ADGRL2: variants seen among roughly 807,000 people sequenced by gnomAD.
ADGRL2 encodes calcium-independent alpha-latrotoxin receptor 2.
ADGRL2 carries 44 observed loss-of-function variants against 157.4 expected under a neutral mutation model. The observed-to-expected ratio is 0.28, with a 90% CI of 0.22 to 0.36. The LOEUF (loss-of-function observed/expected upper bound fraction) is 0.36, where lower values mean the gene tolerates loss of function less well. Among genes scored for constraint, ADGRL2 ranks in the 10% least tolerant of loss-of-function variants. ADGRL2 has a pLI of 1.00. For synonymous variants in ADGRL2, 585 were observed against 624.7 expected, an observed-to-expected ratio of 0.94 and a Z score of 0.95; for missense variants, 1,510 against 1,768.9, an observed-to-expected ratio of 0.85 and a Z score of 2.63.
At chr1:81,540,258 T>C (rs957789287) in intron 2 of ADGRL2, among the ~76,000 whole-genome samples, 1 of 152,188 alleles carries the variant, frequency 6.6e-6, no homozygotes, top group Non-Finnish European at 1.5e-5. Flanking sequence ...TTTTCAGAAC[T>C]CATTCCAATT....
chr1:81,535,044 T>C (rs1208209033), intron 2 of ADGRL2, among the ~76,000 whole-genome samples: 3 of 152,214 alleles, frequency 2.0e-5, no homozygotes, highest in South Asian at 2.1e-4. Flanking sequence ...CTAAGCTTTT[T>C]GGCATCTCTG....
At chr1:81,742,910 C>CATCACTT (rs1262443800) in intron 1 of ADGRL2, among the ~76,000 whole-genome samples, 3 of 151,978 alleles carry the variant, frequency 2.0e-5, no homozygotes, top group Non-Finnish European at 4.4e-5. Context: ...ATAGAATAGT[C>CATCACTT]ATCACTTAAA....
intron 3 of ADGRL2, among the ~76,000 whole-genome samples, chr1:81,585,547 G>C (rs2081008949): frequency 6.6e-6 from 1 of 152,066 alleles, no homozygotes; most frequent in Non-Finnish European, 1.5e-5. Context: ...TGCATTGCAG[G>C]CAAAGGGGTT....
chr1:81,424,492 G>C (rs2077177342), intron 1 of ADGRL2, among the ~76,000 whole-genome samples: 1 of 152,194 alleles, frequency 6.6e-6, no homozygotes. Flanking sequence ...GAAGGTTTTT[G>C]TCTTGCGTGA....
chr1:81,458,263 A>G (rs1364174837), intron 2 of ADGRL2, among the ~76,000 whole-genome samples: 4 of 152,144 alleles, frequency 2.6e-5, no homozygotes, highest in Non-Finnish European at 4.4e-5. Flanking sequence ...CTACCCTCTT[A>G]ACAGATTTTC....
At chr1:81,534,928 T>C (rs991277963) in intron 2 of ADGRL2, among the ~76,000 whole-genome samples, 2 of 152,186 alleles carry the variant, frequency 1.3e-5, no homozygotes, top group Non-Finnish European at 2.9e-5. Flanking sequence ...AGGTGAATAT[T>C]GTGATTTTTA....
At position 81,693,692 on chromosome 1, in the gene ADGRL2, G is replaced by A. The variant is rs140626571; in HGVS notation, c.-142-68119G>A. Among the ~76,000 whole-genome samples the A allele has an allele frequency of 1.7e-3, 259 of 152,190 alleles. 1 individual carries two copies. The highest frequency in any genetic ancestry group is 0.017 in the Middle Eastern group (5 of 294). On this transcript the variant is annotated intron_variant, in intron 3 of 24. Coordinates refer to the ADGRL2 transcript ENST00000370721. The stretch of plus-strand genomic sequence containing the variant: ...TATTTGTCAAAAATGTTCCTTGCTT[G>A]GAACATGAGTTTCTTTACCACTTTG...
At chr1:81,802,564 A>G (rs1261037072) in intron 1 of ADGRL2, among the ~76,000 whole-genome samples, 1 of 152,100 alleles carries the variant, frequency 6.6e-6, no homozygotes, top group Non-Finnish European at 1.5e-5. Context: ...TCCCGTAGCC[A>G]TGCATTTTTT....
At position 81,819,295 on chromosome 1, in the gene ADGRL2, A is replaced by G. The variant is rs1167233870; in HGVS notation, c.-100-17590A>G. On this transcript the variant is annotated intron_variant, in intron 1 of 23. Coordinates refer to ENST00000686636, the MANE Select transcript of ADGRL2 (RefSeq NM_001366006.2). ...CGAGGTAAAGGAGGAGCAAAGAATC[A>G]AAGCCCAGAACCAAGGTTCCAGCCA... is the stretch of plus-strand genomic sequence containing the variant. 2.0e-5 allele frequency among the ~76,000 whole-genome samples: 3 copies of G among 152,090 alleles called. No individual in the cohort carries two copies. In the South Asian group the frequency reaches 6.2e-4, roughly 32 times the overall value.
At chr1:81,735,404 T>A (rs2084861727) in intron 1 of ADGRL2, 1 of 151,320 alleles carries the variant, frequency 6.6e-6, no homozygotes, top group Non-Finnish European at 1.5e-5. Context: ...TAAACACACC[T>A]ACCACATACC....
chr1:81,902,791 C>T (rs1189260790), intron 2 of ADGRL2, among the ~76,000 whole-genome samples: 1 of 152,134 alleles, frequency 6.6e-6, no homozygotes, highest in Non-Finnish European at 1.5e-5. Flanking sequence ...TTTCTCTTTT[C>T]CACTAAGTCA....
intron 3 of ADGRL2, among the ~76,000 whole-genome samples, chr1:81,622,048 T>G (rs887008080): frequency 6.6e-6 from 1 of 152,202 alleles, no homozygotes; most frequent in Non-Finnish European, 1.5e-5. Flanking sequence ...AGCAAATGCA[T>G]CTTAAAAAGT....
chr1:81,779,468 A>G (rs1286432210), intron 2 of ADGRL2, among the ~76,000 whole-genome samples: 1 of 152,078 alleles, frequency 6.6e-6, no homozygotes, highest in African/African-American at 2.4e-5. Flanking sequence ...CGCCCTCCTC[A>G]TTTCATACTA....
chr1:81,308,131 A>G (rs536151947), intron 1 of ADGRL2, among the ~76,000 whole-genome samples: 16 of 152,252 alleles, frequency 1.1e-4, no homozygotes, highest in Non-Finnish European at 2.2e-4. Flanking sequence ...ACAGTGAGAG[A>G]AGAGGAATTT....
chr1:81,601,529 C>T (rs2081333211), intron 3 of ADGRL2, among the ~76,000 whole-genome samples: 1 of 152,092 alleles, frequency 6.6e-6, no homozygotes, highest in African/African-American at 2.4e-5. Context: ...ACATACAACC[C>T]CTCTTCCCCA....
chr1:81,619,094 G>A (rs1275157432), intron 3 of ADGRL2, among the ~76,000 whole-genome samples: 3 of 152,078 alleles, frequency 2.0e-5, no homozygotes, highest in Non-Finnish European at 2.9e-5. Context: ...AAGCAATTTG[G>A]TCTAATCTCA....
chr1:81,509,339 A>G (rs529844254), intron 2 of ADGRL2, among the ~76,000 whole-genome samples: 2 of 152,090 alleles, frequency 1.3e-5, no homozygotes, highest in African/African-American at 2.4e-5. Flanking sequence ...AATCACTTAG[A>G]ATCACTTCGG....
intron 1 of ADGRL2, among the ~76,000 whole-genome samples, chr1:81,743,280 T>C (rs2085131069): frequency 1.3e-5 from 2 of 151,910 alleles, no homozygotes; most frequent in African/African-American, 4.8e-5. Flanking sequence ...CTAGAGTTGG[T>C]GCTTTAATAG....
intron 2 of ADGRL2, among the ~76,000 whole-genome samples, chr1:81,550,003 T>C (rs941528816): frequency 2.0e-5 from 3 of 152,202 alleles, no homozygotes; most frequent in African/African-American, 7.2e-5. Flanking sequence ...GAGCCCTTGA[T>C]ACCTAATAAC....
Sources: allele counts gnomAD v4.1 joint callset (sites outside exome capture counted in the v4.1 genomes callset), GRCh38; gene constraint gnomAD v4.1.1; transcripts MANE v1.5; gene names NCBI Gene and HGNC (gene_info 2026-07-23, HGNC 2026-07-21).